CTNND2: variants seen among roughly 807,000 people sequenced by gnomAD.
CTNND2 encodes the protein catenin delta-2.
In CTNND2, 22 loss-of-function variants were observed where a neutral mutation model predicts 144.4. That is an observed-to-expected ratio of 0.15 (90% CI 0.11 to 0.22). The LOEUF (loss-of-function observed/expected upper bound fraction) is 0.22. CTNND2 is among the 10% of genes least tolerant of loss of function. The pLI is 1.00. For missense variants in CTNND2, 1,353 were observed against 1,618.8 expected (o/e 0.84, Z 2.82); for synonymous variants, 751 against 695.6 (o/e 1.08, Z -1.25).
At chr5:11,118,664 C>T (rs1162056470) in intron 12 of CTNND2, among the ~76,000 whole-genome samples, 1 of 152,170 alleles carries the variant, frequency 6.6e-6, no homozygotes, top group Admixed American at 6.5e-5. Flanking sequence ...TTGCTGAGTG[C>T]TGGGGCAGCC....
chr5:10,992,821 G>T, intron 18 of CTNND2, 144 bp from the exon 19 acceptor site: 1 of 1,075,880 alleles, frequency 9.3e-7, no homozygotes, highest in Non-Finnish European at 1.3e-6. Flanking sequence ...CGCTCTCATG[G>T]AGGTGAACAG....
At chr5:11,097,757 G>A (rs1262758309) in intron 15 of CTNND2, among the ~76,000 whole-genome samples, 1 of 152,154 alleles carries the variant, frequency 6.6e-6, no homozygotes, top group African/African-American at 2.4e-5. Flanking sequence ...TAAAGGAAAG[G>A]AGTGATTGAT....
chr5:11,147,425 C>A (rs1040518839), intron 12 of CTNND2, among the ~76,000 whole-genome samples: 1 of 152,108 alleles, frequency 6.6e-6, no homozygotes, highest in African/African-American at 2.4e-5. Flanking sequence ...AAGACCTCAA[C>A]GTATAGAACA....
intron 3 of CTNND2, among the ~76,000 whole-genome samples, chr5:11,535,374 T>C (rs114137971): frequency 0.013 from 1,957 of 152,302 alleles, 16 homozygotes; most frequent in Non-Finnish European, 0.019. Context: ...AAATATTATA[T>C]ATCACTCTCT....
At position 11,218,034 on chromosome 5, in the gene CTNND2, C is replaced by T. The variant is rs533724934; in HGVS notation, c.1762-18373G>A. Among the ~76,000 whole-genome samples, 5 of 151,732 alleles carry T rather than the reference C, an allele frequency of 3.3e-5. No individual in the cohort carries two copies. The South Asian group carries it at 1.1e-3, about 32-fold the overall frequency. On this transcript the variant is annotated intron_variant, in intron 10 of 21. Transcript: ENST00000304623. ...TCCTTCTTTCCTCCCTTCCTCCCTCCCTTCTTCCTCCTTCCTCCTTCCCTT... is the reference window on the plus strand; with the variant it reads ...TCCTTCTTTCCTCCCTTCCTCCCTCTCTTCTTCCTCCTTCCTCCTTCCCTT...
At chr5:11,796,791 C>T (rs553475176) in intron 1 of CTNND2, among the ~76,000 whole-genome samples, 4 of 152,082 alleles carry the variant, frequency 2.6e-5, no homozygotes, top group Non-Finnish European at 4.4e-5. Flanking sequence ...CCATTTCCTA[C>T]ATTTTTATAA....
intron 2 of CTNND2, among the ~76,000 whole-genome samples, chr5:11,647,726 G>A (rs1782434266): frequency 6.6e-6 from 1 of 152,064 alleles, no homozygotes; most frequent in Non-Finnish European, 1.5e-5. Context: ...ATCAGGACCT[G>A]TGCTAACTCT....
chr5:11,575,699 C>T lies in CTNND2; in HGVS notation c.175-10643G>A, dbSNP rs578081544. On this transcript the variant is annotated intron_variant, in intron 2 of 21. Coordinates refer to ENST00000304623, the MANE Select transcript of CTNND2 (RefSeq NM_001332.4). The stretch of plus-strand genomic sequence containing the variant: ...TGTACTCGACTTGACCTGGTAACAG[C>T]ATTTTACTTTGTTGGTCTCCTGTTC... 7.2e-5 allele frequency among the ~76,000 whole-genome samples: 11 copies of T among 152,268 alleles called. No homozygotes were observed. The South Asian group carries it at 2.3e-3, about 32-fold the overall frequency.
intron 1 of CTNND2, among the ~76,000 whole-genome samples, chr5:11,849,223 C>A (rs1189253439): frequency 5.9e-5 from 9 of 152,118 alleles, no homozygotes; most frequent in Non-Finnish European, 1.2e-4. Flanking sequence ...CCTTATAAAA[C>A]CATCAGATCT....
chr5:11,744,679 GTGTGTT>G (rs1241161312), intron 1 of CTNND2, among the ~76,000 whole-genome samples: 2 of 14,646 alleles, frequency 1.4e-4, no homozygotes, highest in African/African-American at 2.0e-4. Context: ...GTGTGTGTGT[GTGTGTT>G]TGTGTGTGTG....
chr5:11,810,781 C>A (rs1004207994), intron 1 of CTNND2, among the ~76,000 whole-genome samples: 1 of 152,018 alleles, frequency 6.6e-6, no homozygotes, highest in Non-Finnish European at 1.5e-5. Flanking sequence ...TAGCTAATTA[C>A]GCATTGTCAT....
rs560967772 is a variant in CTNND2, at chr5:10,988,167, T to C, written c.3287A>G (p.Asn1096Ser). 6 of 1,614,200 alleles carry C rather than the reference T, an allele frequency of 3.7e-6. No individual in the cohort carries two copies. The Admixed American group carries it at 5.0e-5, about 13-fold the overall frequency. The change falls in exon 20 of 22, where the codon AAC (asparagine) becomes AGC (serine). Residue 1096 changes from asparagine (N) to serine (S), a missense_variant. By Grantham distance (46) the Asn-to-Ser change is conservative (BLOSUM62 1). Around this residue, in one of 4 missense-constraint regions of CTNND2, gnomAD observed 459 missense variants for 674.3 expected, o/e 0.68. Transcript: ENST00000304623. The surrounding 1 kb of genome is among the most constrained non-coding windows in gnomAD (Gnocchi z 5.9). ...GCCTTTAGCTCCGTGGTAGGTGGCG[T>C]TGCTGCCGGTGCACTCGTAGTCTGT... ...RKTDYECTGS[N>S]ATYHGAKGEH... is the part of the protein sequence containing the mutation.
chr5:11,323,124 G>T (rs560567846), intron 9 of CTNND2, among the ~76,000 whole-genome samples: 7 of 151,770 alleles, frequency 4.6e-5, no homozygotes, highest in African/African-American at 1.4e-4. Context: ...CTGCAGCCTT[G>T]AACTCCTGGG....
Position 11,057,181 on chromosome 5 carries a change from T to C in CTNND2, c.2788+25515A>G, listed in dbSNP as rs557222017. On this transcript the variant is annotated intron_variant, in intron 16 of 21. Coordinates refer to ENST00000304623, the MANE Select transcript of CTNND2 (RefSeq NM_001332.4). ...TGTCAAAACCAGAAAATGGTTTCAT[T>C]GATAAAGTAAGCAGGAAACAAGAGA... 2.6e-5 allele frequency among the ~76,000 whole-genome samples: 4 copies of C among 152,282 alleles called. No homozygotes were observed. In the East Asian group the frequency reaches 7.7e-4, roughly 29 times the overall value.
intron 12 of CTNND2, among the ~76,000 whole-genome samples, chr5:11,118,869 G>C (rs960075886): frequency 2.6e-5 from 4 of 152,228 alleles, no homozygotes; most frequent in African/African-American, 9.6e-5. Context: ...CAGTAAGTGT[G>C]TCTCTGCTTC....
intron 16 of CTNND2, among the ~76,000 whole-genome samples, chr5:11,024,354 A>C (rs1252633561): frequency 1.3e-5 from 2 of 152,220 alleles, no homozygotes; most frequent in Non-Finnish European, 2.9e-5. Context: ...GTTTGCCTGC[A>C]AACCCCCAAA....
intron 3 of CTNND2, among the ~76,000 whole-genome samples, chr5:11,461,058 C>T (rs1004596989): frequency 6.6e-6 from 1 of 151,750 alleles, no homozygotes; most frequent in Non-Finnish European, 1.5e-5. Context: ...AAAAATTGCA[C>T]TCCTCCCTTC....
At chr5:11,434,359 C>T (rs182698367) in intron 3 of CTNND2, among the ~76,000 whole-genome samples, 21 of 152,234 alleles carry the variant, frequency 1.4e-4, no homozygotes, top group African/African-American at 5.1e-4. Context: ...CTGGAAAGGA[C>T]AGAAACCAAC....
At chr5:11,587,770 GCATTC>G (rs1356579910) in intron 2 of CTNND2, among the ~76,000 whole-genome samples, 1 of 151,960 alleles carries the variant, frequency 6.6e-6, no homozygotes, top group Non-Finnish European at 1.5e-5. Flanking sequence ...AATCTCTCAG[GCATTC>G]CATTTTACCG....
Sources: allele counts gnomAD v4.1 joint callset (sites outside exome capture counted in the v4.1 genomes callset), GRCh38; gene constraint gnomAD v4.1.1; regional missense constraint gnomAD v4.1.1; non-coding constraint Gnocchi (gnomAD v3.1); transcripts MANE v1.5; gene names NCBI Gene and HGNC (gene_info 2026-07-23, HGNC 2026-07-21).